Variants in SDK1 observed in about 807,000 individuals in gnomAD.
SDK1 encodes protein sidekick-1.
Under a neutral mutation model 245.5 loss-of-function variants are expected in SDK1, and 157 were observed. The observed-to-expected ratio is 0.64, with a 90% CI of 0.56 to 0.73. The LOEUF (loss-of-function observed/expected upper bound fraction) is 0.73, where lower values mean the gene tolerates loss of function less well. Among genes scored for constraint, SDK1 ranks in the 30% least tolerant of loss-of-function variants. The pLI, the probability that SDK1 is intolerant of heterozygous loss-of-function variation, is 0.00. For missense variants in SDK1, 3,583 were observed against 3,002.3 expected (o/e 1.19, Z -4.52); for synonymous variants, 1,647 against 1,278.5 (o/e 1.29, Z -6.15).
chr7:4,013,956 C>A (rs1013705250), intron 16 of SDK1, among the ~76,000 whole-genome samples: 1 of 152,260 alleles, frequency 6.6e-6, no homozygotes, highest in African/African-American at 2.4e-5. Context: ...ACCACCTCCG[C>A]TCCAGAAAAC....
chr7:3,623,752 C>G (rs561001207), intron 2 of SDK1, among the ~76,000 whole-genome samples: 1 of 152,064 alleles, frequency 6.6e-6, no homozygotes, highest in Admixed American at 6.6e-5. Context: ...ATACATACAC[C>G]TAAGCCGAGA....
At position 4,178,497 on chromosome 7, in the gene SDK1, A is replaced by G. The variant is rs759934037; in HGVS notation, c.5009A>G (p.Tyr1670Cys). The change falls in exon 35 of 45, where the codon TAC becomes TGC. Residue 1670 changes from tyrosine to cysteine, a missense_variant. Transcript: ENST00000404826. ...TTCAACCCTGCAGATTTAAAGAAGT[A>G]CCGGCGCTATGAAGTAATAATGACC... ...TMCELTHLKK[Y>C]RRYEVIMTAY... The G allele has an allele frequency of 3.7e-6, 6 of 1,613,156 alleles. No individual in the cohort carries two copies. The highest frequency in any genetic ancestry group is 5.1e-6 in the Non-Finnish European group (6 of 1,179,272).
chr7:4,199,951 C>T (rs548175960), intron 35 of SDK1, among the ~76,000 whole-genome samples: 38 of 152,206 alleles, frequency 2.5e-4, no homozygotes, highest in Middle Eastern at 3.4e-3. Context: ...AAAAATTAGC[C>T]GGGTGTGGTG....
At chr7:3,957,241 A>G (rs990663305) in intron 7 of SDK1, among the ~76,000 whole-genome samples, 1 of 152,232 alleles carries the variant, frequency 6.6e-6, no homozygotes, top group African/African-American at 2.4e-5. Flanking sequence ...CTACACACGT[A>G]ATAATGTTGC....
At chr7:3,711,170 G>T (rs1785039747) in intron 4 of SDK1, among the ~76,000 whole-genome samples, 1 of 152,134 alleles carries the variant, frequency 6.6e-6, no homozygotes, top group Non-Finnish European at 1.5e-5. Flanking sequence ...AGTATGATTT[G>T]ACTTTTCTAA....
intron 25 of SDK1, among the ~76,000 whole-genome samples, chr7:4,117,963 AGC>A (rs1783817798): frequency 6.6e-6 from 1 of 152,184 alleles, no homozygotes; most frequent in Non-Finnish European, 1.5e-5. Flanking sequence ...CCCTGTGCCC[AGC>A]TCAGGACTGG....
At chr7:3,475,479 C>T (rs1781324119) in intron 1 of SDK1, among the ~76,000 whole-genome samples, 3 of 152,170 alleles carry the variant, frequency 2.0e-5, no homozygotes, top group Non-Finnish European at 2.9e-5. Flanking sequence ...GACTTGATTT[C>T]GCAAAAATCA....
chr7:3,661,532 T>C (rs547049846), intron 4 of SDK1, among the ~76,000 whole-genome samples: 2 of 152,342 alleles, frequency 1.3e-5, no homozygotes, highest in East Asian at 3.9e-4. Flanking sequence ...TTTAGTCCTT[T>C]CTTTGATCTA....
chr7:3,625,919 AT>A (rs1203056368), intron 2 of SDK1, among the ~76,000 whole-genome samples: 1 of 142,996 alleles, frequency 7.0e-6, no homozygotes, highest in Admixed American at 7.1e-5. Flanking sequence ...AGCCAGAAGG[AT>A]TTTTCTTTCT....
At chr7:4,255,292 C>A (rs1437656342) in intron 44 of SDK1, among the ~76,000 whole-genome samples, 1 of 152,242 alleles carries the variant, frequency 6.6e-6, no homozygotes, top group Admixed American at 6.5e-5. Context: ...AAGTCATTTT[C>A]CTCAGTCAGA....
chr7:4,114,731 G>A (rs534845150), intron 25 of SDK1, among the ~76,000 whole-genome samples: 1 of 152,264 alleles, frequency 6.6e-6, no homozygotes, highest in East Asian at 1.9e-4. Flanking sequence ...TCATATTGTG[G>A]TCTAAGGTGG....
intron 11 of SDK1, 88 bp from the exon 12 acceptor site, chr7:3,971,378 T>G (rs528475583): frequency 3.5e-5 from 29 of 834,606 alleles, no homozygotes; most frequent in Non-Finnish European, 5.5e-5. Context: ...GAGGTTGTGA[T>G]GTCAGATGAC....
At chr7:3,633,985 C>G (rs1234775550) in intron 2 of SDK1, among the ~76,000 whole-genome samples, 1 of 152,050 alleles carries the variant, frequency 6.6e-6, no homozygotes, top group African/African-American at 2.4e-5. Flanking sequence ...CCACTGTGCC[C>G]CCACCACCGC....
At chr7:3,875,028 TG>T (rs1028472843) in intron 5 of SDK1, among the ~76,000 whole-genome samples, 13 of 152,168 alleles carry the variant, frequency 8.5e-5, no homozygotes, top group African/African-American at 3.1e-4. Context: ...TCCTGGTCTG[TG>T]GGGCTTTATA....
chr7:3,779,509 T>G (rs1170347791), intron 4 of SDK1, among the ~76,000 whole-genome samples: 2 of 152,202 alleles, frequency 1.3e-5, no homozygotes, highest in Non-Finnish European at 2.9e-5. Context: ...TGTTTATATT[T>G]AAACATCGGT....
intron 5 of SDK1, among the ~76,000 whole-genome samples, chr7:3,828,883 C>G (rs1779846257): frequency 6.6e-6 from 1 of 151,810 alleles, no homozygotes; most frequent in Non-Finnish European, 1.5e-5. Flanking sequence ...TCTCAAACTT[C>G]TGGCCTCAAA....
intron 1 of SDK1, among the ~76,000 whole-genome samples, chr7:3,603,629 C>T (rs1383049836): frequency 6.6e-6 from 1 of 152,158 alleles, no homozygotes; most frequent in Non-Finnish European, 1.5e-5. Context: ...CGTCTGCAAA[C>T]AGGGACAATT....
chr7:3,694,492 G>C (rs553618245), intron 4 of SDK1, among the ~76,000 whole-genome samples: 1 of 152,102 alleles, frequency 6.6e-6, no homozygotes, highest in African/African-American at 2.4e-5. Context: ...ATTCCAGGTA[G>C]TGAAATTAGA....
intron 1 of SDK1, among the ~76,000 whole-genome samples, chr7:3,312,904 C>T (rs537633455): frequency 1.3e-5 from 2 of 152,144 alleles, no homozygotes; most frequent in Non-Finnish European, 2.9e-5. Flanking sequence ...AAACCCCACA[C>T]AGGATAAATA....
Sources: allele counts gnomAD v4.1 joint callset (sites outside exome capture counted in the v4.1 genomes callset), GRCh38; gene constraint gnomAD v4.1.1; transcripts MANE v1.5; gene names NCBI Gene and HGNC (gene_info 2026-07-23, HGNC 2026-07-21).